Variants in VWC2L observed in about 807,000 individuals in gnomAD.
The protein encoded by VWC2L is von Willebrand factor C domain-containing protein 2-like.
In VWC2L, 10 loss-of-function variants were observed where a neutral mutation model predicts 21.6. The observed-to-expected ratio is 0.46, with a 90% CI of 0.29 to 0.78. The LOEUF is 0.78. Ranked by LOEUF, VWC2L falls within the 30% of genes least tolerant of loss-of-function variation. The pLI is 0.10. For missense variants in VWC2L, 209 were observed against 277.1 expected (o/e 0.75, Z 1.74); for synonymous variants, 96 against 94.3 (o/e 1.02, Z -0.10).
At position 214,541,277 on chromosome 2, in the gene VWC2L, C is replaced by T. The variant is rs1373766128; in HGVS notation, c.521-34395C>T. On this transcript the variant is annotated intron_variant, in intron 3 of 3. Transcript: ENST00000312504. ...ATTTTGTTTTTCATCTTGGTACCAC[C>T]CAAATGGAAAAAAAAAAAGTCTGAC... is the stretch of plus-strand genomic sequence containing the variant. Among the ~76,000 whole-genome samples the T allele has an allele frequency of 2.8e-5, 4 of 144,102 alleles. No homozygotes were observed. In the Admixed American group the frequency reaches 2.8e-4, roughly 10 times the overall value. 94.5% of individuals were successfully genotyped at this position (144,102 alleles called of 152,430 possible).
chr2:214,500,003 G>A (rs777795610), intron 3 of VWC2L, among the ~76,000 whole-genome samples: 16 of 152,294 alleles, frequency 1.1e-4, no homozygotes, highest in Middle Eastern at 3.4e-3. Context: ...GGATCTTTGA[G>A]TAGAAACCCC....
At chr2:214,488,182 T>G (rs999465555) in intron 3 of VWC2L, among the ~76,000 whole-genome samples, 4 of 152,216 alleles carry the variant, frequency 2.6e-5, no homozygotes, top group Non-Finnish European at 4.4e-5. Context: ...TGGCCTTTGT[T>G]CATCAATGTC....
Position 214,507,526 on chromosome 2 carries a change from T to A in VWC2L, c.521-68146T>A, listed in dbSNP as rs1330293414. 2.0e-5 allele frequency among the ~76,000 whole-genome samples: 3 copies of A among 152,240 alleles called. No individual in the cohort carries two copies. The East Asian group carries it at 5.8e-4, about 29-fold the overall frequency. On this transcript the variant is annotated intron_variant, in intron 3 of 3. Coordinates refer to ENST00000312504, the MANE Select transcript of VWC2L (RefSeq NM_001080500.4). ...AGTTGCCAGAGGTAAACTGATGGCATTCCCCAAGGTCTCCTGGCAAGTCAG... is the reference window on the plus strand; with the variant it reads ...AGTTGCCAGAGGTAAACTGATGGCAATCCCCAAGGTCTCCTGGCAAGTCAG...
In VWC2L at chr2:214,575,863, A is replaced by G; in HGVS notation, c.*43A>G. 6.3e-7 allele frequency: 1 copy of G among 1,590,094 alleles called. No individual in the cohort carries two copies. The highest frequency in any genetic ancestry group is 1.1e-5 in the South Asian group (1 of 88,908). On this transcript the variant is annotated 3_prime_UTR_variant, in exon 4 of 4. Transcript: ENST00000312504. ...TGATGAGTTCTTAGGAAAGGATGCT[A>G]TGGCTTCAACACTGCACATGTTTAA...
chr2:214,571,553 A>G (rs1351478247), intron 3 of VWC2L, among the ~76,000 whole-genome samples: 1 of 152,206 alleles, frequency 6.6e-6, no homozygotes, highest in Admixed American at 6.5e-5. Flanking sequence ...TTCACTTCCA[A>G]TATATAATTA....
intron 3 of VWC2L, among the ~76,000 whole-genome samples, chr2:214,451,313 G>T (rs199860993): frequency 1.1e-4 from 16 of 147,386 alleles, no homozygotes; most frequent in African/African-American, 1.5e-4. Context: ...CGGTGTGGGG[G>T]GGGGGGGCAG....
chr2:214,422,882 A>G (rs1374139905), intron 2 of VWC2L, among the ~76,000 whole-genome samples: 1 of 152,216 alleles, frequency 6.6e-6, no homozygotes, highest in Non-Finnish European at 1.5e-5. Flanking sequence ...GGGTATAAAC[A>G]TGCACTGAAC....
chr2:214,448,265 G>C (rs1196493103), intron 3 of VWC2L, among the ~76,000 whole-genome samples: 1 of 152,168 alleles, frequency 6.6e-6, no homozygotes, highest in African/African-American at 2.4e-5. Context: ...ATATATGTTT[G>C]TGAATAAATG....
chr2:214,456,688 T>C (rs1300044988), intron 3 of VWC2L, among the ~76,000 whole-genome samples: 1 of 152,162 alleles, frequency 6.6e-6, no homozygotes, highest in African/African-American at 2.4e-5. Context: ...CTATGATTTC[T>C]TCTACTAGTT....
At chr2:214,437,175 C>T (rs1022074857) in intron 3 of VWC2L, among the ~76,000 whole-genome samples, 2 of 151,876 alleles carry the variant, frequency 1.3e-5, no homozygotes, top group African/African-American at 4.8e-5. Flanking sequence ...GTAGATAAGA[C>T]CTTAGGTTTA....
intron 3 of VWC2L, among the ~76,000 whole-genome samples, chr2:214,524,819 C>T (rs1407719457): frequency 6.6e-6 from 1 of 152,058 alleles, no homozygotes; most frequent in Non-Finnish European, 1.5e-5. Flanking sequence ...GACTATCACA[C>T]CAAATATATT....
intron 3 of VWC2L, among the ~76,000 whole-genome samples, chr2:214,447,094 G>A (rs778816110): frequency 2.6e-5 from 4 of 152,094 alleles, no homozygotes; most frequent in Non-Finnish European, 5.9e-5. Flanking sequence ...TAGAAACTGG[G>A]AAACTGGGAT....
intron 3 of VWC2L, among the ~76,000 whole-genome samples, chr2:214,572,361 C>T (rs1690162129): frequency 6.6e-6 from 1 of 152,182 alleles, no homozygotes; most frequent in Admixed American, 6.5e-5. Context: ...ATCCCCTTAA[C>T]CTTTTCTCAG....
intron 3 of VWC2L, among the ~76,000 whole-genome samples, chr2:214,573,616 C>G (rs1382447676): frequency 6.6e-6 from 1 of 152,056 alleles, no homozygotes; most frequent in Non-Finnish European, 1.5e-5. Context: ...AACAACGGCC[C>G]CAGGAGAATG....
chr2:214,514,709 T>A (rs1307503000), intron 3 of VWC2L, among the ~76,000 whole-genome samples: 1 of 152,180 alleles, frequency 6.6e-6, no homozygotes, highest in Non-Finnish European at 1.5e-5. Context: ...TATCTAATGA[T>A]GAGAAAAGGA....
chr2:214,523,239 A>C (rs1196503530), intron 3 of VWC2L, among the ~76,000 whole-genome samples: 1 of 152,148 alleles, frequency 6.6e-6, no homozygotes, highest in African/African-American at 2.4e-5. Flanking sequence ...GAACCCTTTG[A>C]GGAATTCGCA....
At chr2:214,501,735 A>AG (rs1688895039) in intron 3 of VWC2L, among the ~76,000 whole-genome samples, 1 of 151,646 alleles carries the variant, frequency 6.6e-6, no homozygotes, top group African/African-American at 2.4e-5. Context: ...AAAAAAAAAA[A>AG]AAAAAAAAAG....
intron 3 of VWC2L, among the ~76,000 whole-genome samples, chr2:214,532,546 T>C (rs191115215): frequency 5.9e-5 from 9 of 152,258 alleles, no homozygotes; most frequent in Admixed American, 2.0e-4. Context: ...TCACTTTCCA[T>C]TTTTTGTTGG....
intron 3 of VWC2L, among the ~76,000 whole-genome samples, chr2:214,481,197 C>A (rs1368202337): frequency 6.6e-6 from 1 of 152,196 alleles, no homozygotes. Context: ...CTCCACTCCC[C>A]AAAACTGGGC....
Sources: allele counts gnomAD v4.1 joint callset (sites outside exome capture counted in the v4.1 genomes callset), GRCh38; gene constraint gnomAD v4.1.1; transcripts MANE v1.5; gene names NCBI Gene and HGNC (gene_info 2026-07-23, HGNC 2026-07-21).